The following SENP7 variants were observed in gnomAD, a reference collection of about 807,000 sequenced individuals.
SENP7 encodes SUMO specific peptidase 7, also known as sentrin-specific protease 7.
SENP7 carries 64 observed loss-of-function variants against 141.2 expected under a neutral mutation model. The observed-to-expected ratio is 0.45, with a 90% CI of 0.37 to 0.56. The LOEUF (loss-of-function observed/expected upper bound fraction) is 0.56, where lower values mean the gene tolerates loss of function less well. Ranked by LOEUF, SENP7 falls within the 20% of genes least tolerant of loss-of-function variation. The pLI is 0.00. For synonymous variants in SENP7, 382 were observed against 426.4 expected (o/e 0.90, Z 1.28); for missense variants, 1,025 against 1,212.2 (o/e 0.85, Z 2.29).
chr3:101,431,157 T>C (rs2062151873), intron 4 of SENP7, among the ~76,000 whole-genome samples: 1 of 152,208 alleles, frequency 6.6e-6, no homozygotes, highest in African/African-American at 2.4e-5. Flanking sequence ...GTATATTCTG[T>C]TGATTTGGGG....
intron 5 of SENP7, among the ~76,000 whole-genome samples, chr3:101,412,756 CT>C (rs1374435547): frequency 6.6e-6 from 1 of 152,058 alleles, no homozygotes; most frequent in Non-Finnish European, 1.5e-5. Context: ...TAGGTTCTTT[CT>C]TTCCTATTGA....
intron 5 of SENP7, 132 bp downstream of exon 5, chr3:101,417,461 G>C: frequency 1.5e-6 from 1 of 680,148 alleles, no homozygotes; most frequent in Non-Finnish European, 2.5e-6. Context: ...TTTAAGATTT[G>C]CTTTAGAGTG....
chr3:101,475,347 T>C (rs1481183106), intron 3 of SENP7, among the ~76,000 whole-genome samples: 2 of 152,200 alleles, frequency 1.3e-5, no homozygotes, highest in Non-Finnish European at 2.9e-5. Context: ...ATGTGGTACA[T>C]GTACATCAGG....
At chr3:101,445,285 A>G (rs954766918) in intron 4 of SENP7, among the ~76,000 whole-genome samples, 3 of 152,214 alleles carry the variant, frequency 2.0e-5, no homozygotes, top group African/African-American at 7.2e-5. Context: ...AGACAAACAA[A>G]AACAGGCAAT....
At chr3:101,444,177 CA>C (rs1468377876) in intron 4 of SENP7, among the ~76,000 whole-genome samples, 1 of 128,796 alleles carries the variant, frequency 7.8e-6, no homozygotes, top group Non-Finnish European at 1.7e-5. Flanking sequence ...AAATGCAAAT[CA>C]AAACCACAGT....
At chr3:101,512,046 T>C (rs1290577115) in intron 1 of SENP7, among the ~76,000 whole-genome samples, 2 of 152,146 alleles carry the variant, frequency 1.3e-5, no homozygotes, top group Admixed American at 1.3e-4. Flanking sequence ...GGTCTCGATC[T>C]CCTGACTTTG....
chr3:101,458,308 A>AT (rs1370202276), intron 4 of SENP7, among the ~76,000 whole-genome samples: 2 of 152,224 alleles, frequency 1.3e-5, no homozygotes, highest in Non-Finnish European at 2.9e-5. Context: ...CTTTCCAATA[A>AT]TTATAATTTG....
chr3:101,362,839 T>C (rs1328388744), intron 10 of SENP7, among the ~76,000 whole-genome samples: 2 of 152,230 alleles, frequency 1.3e-5, no homozygotes, highest in African/African-American at 2.4e-5. Flanking sequence ...CAAGTGACTA[T>C]ATAACTTTGC....
Position 101,493,933 on chromosome 3 carries a change from G to T in SENP7, c.126C>A (p.Val42=). The change falls in exon 3 of 24, where the codon GTC becomes GTA. Residue 42 remains valine, a synonymous_variant. Coordinates refer to ENST00000394095, the MANE Select transcript of SENP7 (RefSeq NM_020654.5). ...ATTTGGACAGTGGTGATTGAACATGGACATCCTCTGGTTTTGCATTTAACA... is the reference window on the plus strand; with the variant it reads ...ATTTGGACAGTGGTGATTGAACATGTACATCCTCTGGTTTTGCATTTAACA... ...RKMLNAKPED[V]HVQSPLSKFR... is the part of the protein sequence containing the mutation. The T allele has an allele frequency of 1.2e-6, 2 of 1,610,388 alleles. No individual in the cohort carries two copies. The highest frequency in any genetic ancestry group is 1.7e-6 in the Non-Finnish European group (2 of 1,177,314).
At chr3:101,454,704 A>G (rs1316336885) in intron 4 of SENP7, among the ~76,000 whole-genome samples, 1 of 152,184 alleles carries the variant, frequency 6.6e-6, no homozygotes, top group Non-Finnish European at 1.5e-5. Context: ...ATATTAATAA[A>G]CCTCAAAAAC....
At chr3:101,442,437 G>A (rs544513702) in intron 4 of SENP7, among the ~76,000 whole-genome samples, 1 of 152,236 alleles carries the variant, frequency 6.6e-6, no homozygotes, top group African/African-American at 2.4e-5. Context: ...TAGGGTTCAT[G>A]CTCCTGTGAG....
chr3:101,475,427 G>A (rs767845847), intron 3 of SENP7, among the ~76,000 whole-genome samples: 21 of 152,158 alleles, frequency 1.4e-4, no homozygotes, highest in African/African-American at 2.4e-4. Context: ...GCTGGAAGCC[G>A]TTATCCTCAG....
intron 6 of SENP7, among the ~76,000 whole-genome samples, chr3:101,398,412 A>G (rs1190289245): frequency 2.0e-5 from 3 of 152,242 alleles, no homozygotes; most frequent in African/African-American, 7.2e-5. Flanking sequence ...GTGAGCCGAG[A>G]TCATGCCACT....
chr3:101,378,162 A>T (rs1419882361), intron 6 of SENP7, among the ~76,000 whole-genome samples: 3 of 152,014 alleles, frequency 2.0e-5, no homozygotes. Context: ...TATCCAAAAA[A>T]AAACAAAAAA....
chr3:101,477,861 AAGTT>A, intron 3 of SENP7, among the ~76,000 whole-genome samples: 1 of 152,070 alleles, frequency 6.6e-6, no homozygotes. Context: ...AAAAAAAAAA[AAGTT>A]AGTAGAGAAA....
intron 19 of SENP7, 139 bp downstream of exon 19, chr3:101,331,846 T>G: frequency 3.7e-6 from 3 of 819,154 alleles, no homozygotes; most frequent in South Asian, 4.9e-5. Context: ...CATTAAAAAT[T>G]TCAGATTTTT....
chr3:101,442,552 C>T (rs965353136), intron 4 of SENP7, among the ~76,000 whole-genome samples: 2 of 152,068 alleles, frequency 1.3e-5, no homozygotes, highest in Non-Finnish European at 2.9e-5. Flanking sequence ...TAACAGGCCA[C>T]GGACCAGTAC....
At chr3:101,346,967 AAGG>A in intron 13 of SENP7, among the ~76,000 whole-genome samples, 1 of 149,904 alleles carries the variant, frequency 6.7e-6, no homozygotes, top group East Asian at 1.9e-4. Flanking sequence ...GGGAGGAGGA[AAGG>A]AGGAGGAGGA....
At chr3:101,492,945 T>C (rs945752871) in intron 3 of SENP7, among the ~76,000 whole-genome samples, 1 of 152,128 alleles carries the variant, frequency 6.6e-6, no homozygotes, top group African/African-American at 2.4e-5. Flanking sequence ...GAGCTATGAG[T>C]GTGCCACTGC....
Sources: gnomAD v4.1 joint callset for allele counts (sites outside exome capture counted in the v4.1 genomes callset) on GRCh38, gnomAD v4.1.1 for gene constraint, MANE v1.5 for transcripts, NCBI Gene and HGNC (gene_info 2026-07-23, HGNC 2026-07-21) for gene names.